The following TDRD1 variants were observed in gnomAD, a reference collection of about 807,000 sequenced individuals.
TDRD1 encodes the protein tudor domain-containing protein 1.
TDRD1 carries 37 observed loss-of-function variants against 140.6 expected under a neutral mutation model. The observed-to-expected ratio is 0.26, with a 90% CI of 0.20 to 0.35. The LOEUF (loss-of-function observed/expected upper bound fraction) is 0.35, where lower values mean the gene tolerates loss of function less well. Ranked by LOEUF, TDRD1 falls within the 10% of genes least tolerant of loss-of-function variation. The probability of loss-of-function intolerance (pLI) is 1.00; values close to 1 mark genes in which losing one functional copy is unlikely to be tolerated. For missense variants in TDRD1, 1,243 were observed against 1,393.0 expected (o/e 0.89, Z 1.71); for synonymous variants, 506 against 475.7 (o/e 1.06, Z -0.83).
At chr10:114,196,346 A>G (rs1014860944) in intron 3 of TDRD1, among the ~76,000 whole-genome samples, 4 of 152,220 alleles carry the variant, frequency 2.6e-5, no homozygotes, top group African/African-American at 9.6e-5. Flanking sequence ...GCTACTGGTA[A>G]CAAATTCTCT....
At position 114,196,031 on chromosome 10, in the gene TDRD1, G is replaced by A. The variant is rs560573515; in HGVS notation, c.385-3142G>A. Among the ~76,000 whole-genome samples, 33 of 152,192 alleles carry A rather than the reference G, an allele frequency of 2.2e-4. No individual in the cohort carries two copies. The South Asian group carries it at 6.6e-3, about 31-fold the overall frequency. The stretch of plus-strand genomic sequence containing the variant: ...CATTTCTTTACCTTCACCCATTTAC[G>A]TCTTACATATTCTATCTCAGATTTA... On this transcript the variant is annotated intron_variant, in intron 3 of 25. Coordinates refer to ENST00000251864, the Ensembl canonical transcript of TDRD1.
intron 3 of TDRD1, 141 bp from the exon 4 acceptor site, chr10:114,199,032 G>C: frequency 1.1e-6 from 1 of 945,928 alleles, no homozygotes; most frequent in Non-Finnish European, 1.5e-6. Flanking sequence ...TTATATATAA[G>C]TTCAGGGTTT....
chr10:114,206,282 G>A (rs1201735203), exon 11 of TDRD1: 1 of 1,613,448 alleles, frequency 6.2e-7, no homozygotes, highest in East Asian at 2.2e-5. Context: ...AATGGGATAT[G>A]GCTTGAAACC....
intron 5 of TDRD1, among the ~76,000 whole-genome samples, 157 bp from the exon 6 acceptor site, chr10:114,202,081 C>T (rs1215449964): frequency 1.3e-5 from 2 of 152,162 alleles, no homozygotes; most frequent in East Asian, 3.9e-4. Context: ...CACTGTGTAG[C>T]CAGCACTGGG....
At chr10:114,226,131 T>G in exon 22 of TDRD1, 1 of 1,614,086 alleles carries the variant, frequency 6.2e-7, no homozygotes. Context: ...ATGGAAACAT[T>G]GAAACCCTGC....
At chr10:114,211,472 T>C (rs1330347522) in intron 13 of TDRD1, among the ~76,000 whole-genome samples, 3 of 152,200 alleles carry the variant, frequency 2.0e-5, no homozygotes, top group African/African-American at 4.8e-5. Context: ...AATCCTTCAG[T>C]AAATTCATCA....
At chr10:114,225,283 G>A (rs2036369234) in intron 21 of TDRD1, among the ~76,000 whole-genome samples, 1 of 152,172 alleles carries the variant, frequency 6.6e-6, no homozygotes, top group South Asian at 2.1e-4. Flanking sequence ...ATGAACCAAA[G>A]CCTATTCAGA....
intron 25 of TDRD1, chr10:114,228,276 TCTG>T: frequency 7.1e-7 from 1 of 1,417,134 alleles, no homozygotes; most frequent in Non-Finnish European, 9.2e-7. Flanking sequence ...TCATAATGCT[TCTG>T]CTGTTTTTGT....
At chr10:114,182,279 C>T (rs1021500698) in intron 1 of TDRD1, among the ~76,000 whole-genome samples, 2 of 152,090 alleles carry the variant, frequency 1.3e-5, no homozygotes, top group African/African-American at 4.8e-5. Flanking sequence ...TTGGCTGTCC[C>T]GAATGAAAGG....
At chr10:114,211,733 A>C in intron 13 of TDRD1, 133 bp from the exon 14 acceptor site, 1 of 875,938 alleles carries the variant, frequency 1.1e-6, no homozygotes, top group East Asian at 3.0e-5. Context: ...CAAAATTAGT[A>C]AACATTGTTC....
chr10:114,228,203 G>A, intron 25 of TDRD1: 1 of 1,480,604 alleles, frequency 6.8e-7, no homozygotes, highest in Non-Finnish European at 8.9e-7. Flanking sequence ...TGGCAGGATA[G>A]AGCTAATGGA....
intron 3 of TDRD1, among the ~76,000 whole-genome samples, chr10:114,197,476 T>G (rs2034445100): frequency 6.6e-6 from 1 of 152,186 alleles, no homozygotes; most frequent in African/African-American, 2.4e-5. Flanking sequence ...TATTCATAAT[T>G]GCTTGTTAAC....
intron 13 of TDRD1, among the ~76,000 whole-genome samples, chr10:114,211,176 C>G (rs1479454047): frequency 1.3e-5 from 2 of 152,026 alleles, no homozygotes; most frequent in African/African-American, 4.8e-5. Context: ...GGCAGAGCGT[C>G]TGTGTGTCAA....
intron 17 of TDRD1, among the ~76,000 whole-genome samples, chr10:114,217,929 C>G (rs1044114520): frequency 1.3e-5 from 2 of 152,152 alleles, no homozygotes; most frequent in South Asian, 4.1e-4. Context: ...AAGCGCTGTT[C>G]ACAGCAGGTT....
intron 1 of TDRD1, among the ~76,000 whole-genome samples, chr10:114,186,003 A>G (rs2033490542): frequency 6.6e-6 from 1 of 152,064 alleles, no homozygotes; most frequent in African/African-American, 2.4e-5. Context: ...TTACTGAATA[A>G]TTTTCTCCCT....
chr10:114,175,807 G>A (rs2032681887), upstream of TDRD1, among the ~76,000 whole-genome samples: 1 of 151,988 alleles, frequency 6.6e-6, no homozygotes, highest in Non-Finnish European at 1.5e-5. Context: ...TGGTTGAGAC[G>A]CACTATGTAA....
chr10:114,220,959 AG>A, intron 19 of TDRD1, 116 bp downstream of exon 19: 1 of 654,298 alleles, frequency 1.5e-6, no homozygotes, highest in Non-Finnish European at 2.6e-6. Flanking sequence ...TTACGGACAT[AG>A]ATTAGTAGGT....
exon 26 of TDRD1, chr10:114,232,205 C>T (rs1307510497): frequency 4.0e-5 from 6 of 151,772 alleles, no homozygotes; most frequent in Admixed American, 2.0e-4. Flanking sequence ...GTTCCCTCTC[C>T]TGCTGTGTCC....
chr10:114,217,237 G>A (rs2133117411), intron 16 of TDRD1, among the ~76,000 whole-genome samples: 1 of 152,258 alleles, frequency 6.6e-6, no homozygotes, highest in Non-Finnish European at 1.5e-5. Context: ...TGTAGCTTCT[G>A]TATGGGCTTG....
Sources: allele counts gnomAD v4.1 joint callset (sites outside exome capture counted in the v4.1 genomes callset), GRCh38; gene constraint gnomAD v4.1.1; transcripts MANE v1.5; gene names NCBI Gene and HGNC (gene_info 2026-07-23, HGNC 2026-07-21).